Variants in GNG7 observed in about 807,000 individuals in gnomAD.
The protein encoded by GNG7 is guanine nucleotide-binding protein G(I)/G(S)/G(O) subunit gamma-7.
A neutral mutation model predicts 4.0 loss-of-function variants in GNG7; 1 was observed. The ratio of observed to expected loss-of-function variants is 0.25; its 90% confidence interval spans 0.09 to 1.18. The LOEUF is 1.18. Among genes scored for constraint, GNG7 ranks in the 50% most tolerant of loss-of-function variants. The pLI is 0.50. For synonymous variants in GNG7, 34 were observed against 36.9 expected (o/e 0.92, Z 0.29); for missense variants, 86 against 91.9 (o/e 0.94, Z 0.26).
chr19:2,568,282 TAC>T (rs1162347684), intron 2 of GNG7, among the ~76,000 whole-genome samples: 2 of 96,232 alleles, frequency 2.1e-5, no homozygotes, highest in Non-Finnish European at 2.4e-5. Context: ...CATATAGACT[TAC>T]ACACATATAC....
chr19:2,532,763 A>G (rs1978635665), intron 3 of GNG7, among the ~76,000 whole-genome samples: 1 of 152,210 alleles, frequency 6.6e-6, no homozygotes, highest in Non-Finnish European at 1.5e-5. Context: ...CTCAACCACT[A>G]GAGTGGCAAA....
chr19:2,572,954 C>G (rs936816612), intron 2 of GNG7, among the ~76,000 whole-genome samples: 13 of 151,804 alleles, frequency 8.6e-5, no homozygotes, highest in Admixed American at 6.6e-4. Flanking sequence ...AGCAGTCACC[C>G]CCGTCTCCTC....
intron 1 of GNG7, among the ~76,000 whole-genome samples, chr19:2,675,851 G>T (rs980968955): frequency 6.6e-6 from 1 of 152,126 alleles, no homozygotes; most frequent in African/African-American, 2.4e-5. Flanking sequence ...AGCACCAGGG[G>T]GAAGAGACTC....
At chr19:2,538,084 A>ACAAAG (rs1292947335) in intron 3 of GNG7, 1 of 453,290 alleles carries the variant, frequency 2.2e-6, no homozygotes, top group Non-Finnish European at 4.4e-6. Flanking sequence ...CTCAAACAAA[A>ACAAAG]CAAAACAAAA....
In GNG7 at chr19:2,557,363, A is replaced by G. The variant is rs1979598245; in HGVS notation, c.-77-2175T>C. Among the ~76,000 whole-genome samples, 1 of 148,554 alleles carries G rather than the reference A, an allele frequency of 6.7e-6. No individual in the cohort carries two copies. Among genetic ancestry groups the G allele is most frequent in the African/African-American group, 2.5e-5 (1 of 40,624 alleles). On this transcript the variant is annotated intron_variant, in intron 2 of 4. Transcript: ENST00000382159. This position sits in a 1 kb window ranked among gnomAD's most constrained non-coding sequence, Gnocchi z 5.1. The stretch of plus-strand genomic sequence containing the variant: ...CACATGTGCACACACACAGACACAC[A>G]CACACGTGCACGCACACATGCACGC...
At chr19:2,602,897 TTTTCTTTC>T (rs375016997) in intron 2 of GNG7, among the ~76,000 whole-genome samples, 26 of 103,394 alleles carry the variant, frequency 2.5e-4, no homozygotes, top group Middle Eastern at 4.8e-3. Context: ...CTTTTTCTCT[TTTTCTTTC>T]TTTCTTTCTT....
At chr19:2,531,303 CAAAAAAAAAAAAA>C (rs58133235) in intron 3 of GNG7, among the ~76,000 whole-genome samples, 4 of 95,072 alleles carry the variant, frequency 4.2e-5, no homozygotes, top group Admixed American at 2.4e-4. Flanking sequence ...GATTCCGTCT[CAAAAAAAAAAAAA>C]AAAAAAAAAA....
intron 2 of GNG7, among the ~76,000 whole-genome samples, chr19:2,583,898 TA>T (rs752386621): frequency 6.6e-5 from 10 of 151,992 alleles, no homozygotes; most frequent in Non-Finnish European, 8.8e-5. Context: ...ATTGCTAAAT[TA>T]AAAAAAACAG....
chr19:2,603,995 C>A (rs952843728), intron 2 of GNG7, among the ~76,000 whole-genome samples: 1 of 151,920 alleles, frequency 6.6e-6, no homozygotes, highest in African/African-American at 2.4e-5. Context: ...GGACTACAGG[C>A]GCCCGCCACC....
rs1981501793 is a variant in GNG7, at chr19:2,609,735, C to CGTG, written c.-78+36488_-78+36489insCAC. ...TTGAGGTTACAGAGCCCCAGCAAAC[C>CGTG]ATCACGCTGGGTTAAAGGAACTGGT... On this transcript the variant is annotated intron_variant, in intron 2 of 4. Coordinates refer to ENST00000382159, the MANE Select transcript of GNG7 (RefSeq NM_052847.3). The surrounding 1 kb of genome is among the most constrained non-coding windows in gnomAD (Gnocchi z 4.4). 1.3e-5 allele frequency among the ~76,000 whole-genome samples: 2 copies of CGTG among 152,118 alleles called. No homozygotes were observed. The highest frequency in any genetic ancestry group is 2.9e-5 in the Non-Finnish European group (2 of 68,028).
At chr19:2,535,132 C>T (rs745415768) in intron 3 of GNG7, among the ~76,000 whole-genome samples, 2 of 152,070 alleles carry the variant, frequency 1.3e-5, no homozygotes, top group Admixed American at 6.6e-5. Context: ...TGTTTCTTTT[C>T]TTGTAGTATT....
rs996688824 is a variant in GNG7 at position 2,651,390 on chromosome 19, C to CTCCA, written c.-134-5114_-134-5111dup. Reference sequence around the variant, plus strand: ...CTCCATCCCTCCCTCCCTCCCTTCCCTCCATCCCTCCCTCCCTCCTTCCCT... The same window carrying CTCCA: ...CTCCATCCCTCCCTCCCTCCCTTCCCTCCATCCATCCCTCCCTCCCTCCTTCCCT... On this transcript the variant is annotated intron_variant, in intron 1 of 4. Coordinates refer to ENST00000382159, the MANE Select transcript of GNG7 (RefSeq NM_052847.3). Among the ~76,000 whole-genome samples, 9 of 100,790 alleles carry CTCCA rather than the reference C, an allele frequency of 8.9e-5. No homozygotes were observed. In the East Asian group the frequency reaches 2.2e-3, roughly 24 times the overall value. 66.1% of individuals were successfully genotyped at this position (100,790 alleles called of 152,430 possible).
At position 2,514,986 on chromosome 19, in the gene GNG7, AAGAGAG is replaced by A. The variant is rs758973520; in HGVS notation, c.*30_*35del. ...ACAGAGACAGAGAGAGAGAGAGAGA[AAGAGAG>A]AGAGAGAGAGAGAACATATGAGAAC... is the stretch of plus-strand genomic sequence containing the variant. On this transcript the variant is annotated 3_prime_UTR_variant, in exon 5 of 5. Coordinates refer to ENST00000382159, the MANE Select transcript of GNG7 (RefSeq NM_052847.3). 9 of 1,055,044 alleles carry A rather than the reference AAGAGAG, an allele frequency of 8.5e-6. No homozygotes were observed. The East Asian group carries it at 1.4e-4, about 16-fold the overall frequency. 65.4% of individuals were successfully genotyped at this position (1,055,044 alleles called of 1,614,324 possible).
intron 2 of GNG7, among the ~76,000 whole-genome samples, chr19:2,598,287 G>T (rs1322183835): frequency 6.6e-6 from 1 of 152,178 alleles, no homozygotes; most frequent in African/African-American, 2.4e-5. Flanking sequence ...ACTTTGGGAG[G>T]CCAAGGTGGG....
At chr19:2,576,424 G>T (rs542628546) in intron 2 of GNG7, among the ~76,000 whole-genome samples, 157 of 152,360 alleles carry the variant, frequency 1.0e-3, no homozygotes, top group African/African-American at 3.7e-3. Context: ...CCCCAGGGAG[G>T]ACAGGGCGGG....
At chr19:2,533,618 G>T (rs8111499) in intron 3 of GNG7, among the ~76,000 whole-genome samples, 52,864 of 151,942 alleles carry the variant, frequency 0.35, 9,539 homozygotes, top group East Asian at 0.51. Flanking sequence ...AGTTGCCAGA[G>T]GAAAAAACAG....
chr19:2,586,490 C>T (rs997078128), intron 2 of GNG7, among the ~76,000 whole-genome samples: 2 of 152,118 alleles, frequency 1.3e-5, no homozygotes, highest in South Asian at 2.1e-4. Context: ...CTGGTGACCT[C>T]GGTCCCCCAA....
rs569221576 is a variant in GNG7, at chr19:2,550,955, G to A, written c.-38+4194C>T. The stretch of plus-strand genomic sequence containing the variant: ...AACAGGGCCAGGGGACTTAGCCAGG[G>A]CCCGACGAGAGCTGCCTGATGTCAT... On this transcript the variant is annotated intron_variant, in intron 3 of 4. Coordinates refer to ENST00000382159, the MANE Select transcript of GNG7 (RefSeq NM_052847.3). 2.0e-5 allele frequency among the ~76,000 whole-genome samples: 3 copies of A among 152,314 alleles called. No individual in the cohort carries two copies. In the East Asian group the frequency reaches 5.8e-4, roughly 29 times the overall value.
intron 3 of GNG7, among the ~76,000 whole-genome samples, chr19:2,522,751 CAAAAAAAAA>C (rs59490251): frequency 2.3e-5 from 1 of 43,866 alleles, no homozygotes; most frequent in African/African-American, 9.7e-5. Context: ...GACTCTGTCT[CAAAAAAAAA>C]AAAAAAAAAA....
Sources: gnomAD v4.1 joint callset for allele counts (sites outside exome capture counted in the v4.1 genomes callset) on GRCh38, gnomAD v4.1.1 for gene constraint, Gnocchi (gnomAD v3.1) non-coding constraint, MANE v1.5 for transcripts, NCBI Gene and HGNC (gene_info 2026-07-23, HGNC 2026-07-21) for gene names.